The following TBC1D1 variants were observed in gnomAD, a reference collection of about 807,000 sequenced individuals.
TBC1D1 encodes the protein TBC1 domain family member 1, also known as TBC1 (tre-2/USP6, BUB2, cdc16) domain family, member 1.
TBC1D1 carries 89 observed loss-of-function variants against 125.6 expected under a neutral mutation model. The observed-to-expected ratio is 0.71, with a 90% CI of 0.60 to 0.85. TBC1D1 has a LOEUF of 0.85. Ranked by LOEUF, TBC1D1 falls within the 40% of genes least tolerant of loss-of-function variation. The probability of loss-of-function intolerance (pLI) is 0.00; values close to 1 mark genes in which losing one functional copy is unlikely to be tolerated. For synonymous variants in TBC1D1, 565 were observed against 564.1 expected (o/e 1.00, Z -0.02); for missense variants, 1,377 against 1,469.2 (o/e 0.94, Z 1.03).
intron 2 of TBC1D1, among the ~76,000 whole-genome samples, chr4:37,976,001 CCCCTT>C (rs1732997222): frequency 6.6e-6 from 1 of 152,118 alleles, no homozygotes; most frequent in African/African-American, 2.4e-5. Context: ...ATTATCTCCT[CCCCTT>C]AAGTGTGGAC....
At chr4:38,111,716 T>C (rs922605076) in intron 15 of TBC1D1, among the ~76,000 whole-genome samples, 2 of 152,200 alleles carry the variant, frequency 1.3e-5, no homozygotes, top group Admixed American at 6.5e-5. Flanking sequence ...CCTAAAAGGA[T>C]CTCAGCGACC....
chr4:37,982,185 C>T (rs991460551), intron 2 of TBC1D1, among the ~76,000 whole-genome samples: 86 of 152,230 alleles, frequency 5.6e-4, no homozygotes, highest in African/African-American at 2.0e-3. Context: ...TGCCGGTAGG[C>T]GGTAGGAGTT....
intron 2 of TBC1D1, among the ~76,000 whole-genome samples, chr4:37,928,871 C>A (rs573100327): frequency 6.6e-6 from 1 of 152,178 alleles, no homozygotes; most frequent in African/African-American, 2.4e-5. Context: ...ACATTTTAGA[C>A]GAGTAATTCT....
chr4:38,102,806 A>T (rs1206179785), intron 14 of TBC1D1, among the ~76,000 whole-genome samples, 193 bp from the exon 17 acceptor site: 3 of 151,916 alleles, frequency 2.0e-5, no homozygotes, highest in Non-Finnish European at 4.4e-5. Flanking sequence ...ATTGGAGCCC[A>T]CAAGGTTGAG....
At position 38,081,063 on chromosome 4, in the gene TBC1D1, C is replaced by T. The variant is rs184469617; in HGVS notation, c.2051-8869C>T. ...TCCCAATCCCTTGGGTCGAGAGTTG[C>T]GTGGCTCCCGGGGCCTGCTTGTTTC... is the stretch of plus-strand genomic sequence containing the variant. On this transcript the variant is annotated intron_variant, in intron 12 of 19. Transcript: ENST00000261439. Among the ~76,000 whole-genome samples the T allele has an allele frequency of 3.2e-4, 49 of 152,280 alleles. 1 individual carries two copies. The South Asian group carries it at 6.6e-3, about 21-fold the overall frequency.
chr4:38,048,196 T>C (rs1230949141), intron 10 of TBC1D1, among the ~76,000 whole-genome samples: 1 of 152,184 alleles, frequency 6.6e-6, no homozygotes, highest in Non-Finnish European at 1.5e-5. Context: ...TTCTAAAAAA[T>C]TGATCACCTA....
At chr4:37,892,697 ACC>A (rs1305991262) in intron 1 of TBC1D1, among the ~76,000 whole-genome samples, 1 of 152,134 alleles carries the variant, frequency 6.6e-6, no homozygotes, top group Non-Finnish European at 1.5e-5. Context: ...ATTGTTATCT[ACC>A]CCACTGAGAG....
chr4:37,921,022 A>G (rs574475349), intron 2 of TBC1D1, among the ~76,000 whole-genome samples: 58 of 147,720 alleles, frequency 3.9e-4, no homozygotes, highest in African/African-American at 1.2e-3. Flanking sequence ...AGGCGGGAGA[A>G]TGGCGCGAAC....
chr4:38,023,736 T>C (rs1230860911), intron 6 of TBC1D1, among the ~76,000 whole-genome samples: 1 of 152,194 alleles, frequency 6.6e-6, no homozygotes, highest in Non-Finnish European at 1.5e-5. Flanking sequence ...TTGGGTTCCT[T>C]CCCCCTTTTG....
intron 2 of TBC1D1, among the ~76,000 whole-genome samples, chr4:37,970,036 A>C (rs181256598): frequency 6.6e-6 from 1 of 152,356 alleles, no homozygotes; most frequent in African/African-American, 2.4e-5. Flanking sequence ...TTCAATTGGC[A>C]TAGTGCTTTC....
chr4:38,037,583 C>T (rs949687864), intron 8 of TBC1D1, among the ~76,000 whole-genome samples: 9 of 152,082 alleles, frequency 5.9e-5, no homozygotes, highest in African/African-American at 1.9e-4. Context: ...AGTTTAGCCA[C>T]GTGGATTTCA....
rs1766892757 is a variant in TBC1D1, at chr4:38,137,829, TGATCATTGGGAA to T, written c.*500_*511del. 6.5e-6 allele frequency: 1 copy of T among 153,174 alleles called. No homozygotes were observed. The highest frequency in any genetic ancestry group is 2.4e-5 in the African/African-American group (1 of 41,466). The allele number at this position is 153,174 out of a possible 1,614,324, so 9.5% of individuals were successfully genotyped here. A position where few individuals can be genotyped will look rare whatever the true frequency, so the allele number is the denominator to read the frequency against. On this transcript the variant is annotated 3_prime_UTR_variant, in exon 20 of 20. Transcript: ENST00000261439. ...CCATTCTTGTTATGGAAACCTAAGA[TGATCATTGGGAA>T]GATCAGTGATCTTGGGTCATTGATC...
intron 17 of TBC1D1, among the ~76,000 whole-genome samples, chr4:38,122,971 T>C (rs1487975706): frequency 6.8e-6 from 1 of 147,912 alleles, no homozygotes; most frequent in African/African-American, 2.5e-5. Context: ...AGGAAGCACT[T>C]ACTAAGTTGA....
intron 2 of TBC1D1, among the ~76,000 whole-genome samples, chr4:37,993,084 G>A (rs71604101): frequency 0.017 from 2,537 of 152,260 alleles, 32 homozygotes; most frequent in Non-Finnish European, 0.023. Flanking sequence ...GATTACAGGC[G>A]TGAGCCACCG....
At chr4:37,933,879 A>G (rs2152293713) in intron 2 of TBC1D1, among the ~76,000 whole-genome samples, 1 of 152,298 alleles carries the variant, frequency 6.6e-6, no homozygotes, top group South Asian at 2.1e-4. Context: ...GGGGAAAAAA[A>G]AGGCACTTTC....
intron 2 of TBC1D1, among the ~76,000 whole-genome samples, chr4:37,976,229 G>T (rs1016474560): frequency 2.0e-5 from 3 of 152,122 alleles, no homozygotes; most frequent in African/African-American, 4.8e-5. Flanking sequence ...AACTAAATAC[G>T]GGCAACACCT....
chr4:38,002,707 G>C (rs952992045), intron 2 of TBC1D1, among the ~76,000 whole-genome samples: 11 of 152,136 alleles, frequency 7.2e-5, no homozygotes, highest in African/African-American at 2.7e-4. Context: ...TAGGTGTTTT[G>C]TGCTCTGAGG....
chr4:38,097,340 G>GTTTTTTTT (rs71658757), intron 14 of TBC1D1, among the ~76,000 whole-genome samples: 1 of 122,122 alleles, frequency 8.2e-6, no homozygotes, highest in Non-Finnish European at 1.7e-5. Flanking sequence ...TTTTTTGTGG[G>GTTTTTTTT]TTTTTTTTTT....
chr4:38,045,872 C>T lies in TBC1D1; in HGVS notation c.1598C>T (p.Ser533Phe). ...TCCATCAGTGTGGATCTGGATAGCT[C>T]CCTGTCTAGTACATTAAGTAACACC... is the stretch of plus-strand genomic sequence containing the variant. Residue 533 changes from serine (S) to phenylalanine (F), a missense_variant, in exon 10 of 20, where the codon TCC (serine) becomes TTC (phenylalanine). By Grantham distance (155) the Ser-to-Phe change is radical. Transcript: ENST00000261439. The T allele has an allele frequency of 6.2e-7, 1 of 1,613,642 alleles. No individual in the cohort carries two copies. Among genetic ancestry groups the T allele is most frequent in the Non-Finnish European group, 8.5e-7 (1 of 1,179,832 alleles).
Sources: gnomAD v4.1 joint callset for allele counts (sites outside exome capture counted in the v4.1 genomes callset) on GRCh38, gnomAD v4.1.1 for gene constraint, MANE v1.5 for transcripts, NCBI Gene and HGNC (gene_info 2026-07-23, HGNC 2026-07-21) for gene names.